RARB: variants seen among roughly 807,000 people sequenced by gnomAD.
RARB encodes the protein retinoic acid receptor beta, also known as HBV-activated protein.
A neutral mutation model predicts 51.9 loss-of-function variants in RARB; 17 were observed. The observed-to-expected ratio is 0.33, with a 90% CI of 0.22 to 0.49. RARB has a LOEUF of 0.49. Among genes scored for constraint, RARB ranks in the 20% least tolerant of loss-of-function variants. RARB has a pLI of 0.99. For missense variants in RARB, 369 were observed against 550.8 expected, an observed-to-expected ratio of 0.67 and a Z score of 3.30; for synonymous variants, 215 against 195.4, an observed-to-expected ratio of 1.10 and a Z score of -0.84.
In RARB at chr3:24,939,043, C is replaced by T. The variant is rs112636159; in HGVS notation, c.-380+80291C>T. Among the ~76,000 whole-genome samples the T allele has an allele frequency of 1.1e-4, 17 of 151,538 alleles. 1 individual carries two copies. The highest frequency in any genetic ancestry group is 3.4e-4 in the African/African-American group (14 of 41,290). On this transcript the variant is annotated intron_variant, in intron 2 of 11. Transcript: ENST00000383772. ...TGTTCCCCAAGCTAGAGTGCATTGA[C>T]GTGGTCTCAGCTCACTGCAACCTCC... is the stretch of plus-strand genomic sequence containing the variant.
Position 24,839,792 on chromosome 3 carries a change from G to C in RARB, c.-459+10389G>C, listed in dbSNP as rs188154614. On this transcript the variant is annotated intron_variant, in intron 1 of 11. Transcript: ENST00000383772. ...TCCAGATTGTCACAAAATTATACTCGTGTTTAGAACTAGGGAGAGAATATC... is the reference window on the plus strand; with the variant it reads ...TCCAGATTGTCACAAAATTATACTCCTGTTTAGAACTAGGGAGAGAATATC... Among the ~76,000 whole-genome samples the C allele has an allele frequency of 2.1e-3, 312 of 151,534 alleles. 1 individual carries two copies. The highest frequency in any genetic ancestry group is 7.2e-3 in the African/African-American group (297 of 41,246).
At chr3:25,111,592 T>G (rs1575165400) in intron 3 of RARB, among the ~76,000 whole-genome samples, 1 of 149,968 alleles carries the variant, frequency 6.7e-6, no homozygotes, top group African/African-American at 2.5e-5. Flanking sequence ...GGTTTTTTTT[T>G]TTTTTTTTTT....
intron 3 of RARB, among the ~76,000 whole-genome samples, chr3:25,120,828 C>T (rs1699772547): frequency 6.6e-6 from 1 of 152,118 alleles, no homozygotes; most frequent in Admixed American, 6.6e-5. Flanking sequence ...TTGGCCGAAT[C>T]TAGCTGGCTG....
At chr3:25,475,371 G>A (rs183170458) in intron 2 of RARB, among the ~76,000 whole-genome samples, 154 of 152,026 alleles carry the variant, frequency 1.0e-3, no homozygotes, top group African/African-American at 3.3e-3. Flanking sequence ...GTATTATATC[G>A]GGGTGGATAA....
At chr3:24,868,949 C>T (rs1156424499) in intron 2 of RARB, among the ~76,000 whole-genome samples, 3 of 152,132 alleles carry the variant, frequency 2.0e-5, no homozygotes, top group African/African-American at 7.2e-5. Flanking sequence ...TTAAGCTGTA[C>T]TCTGACCACC....
chr3:24,911,353 C>T (rs1694985747), intron 2 of RARB, among the ~76,000 whole-genome samples: 1 of 152,012 alleles, frequency 6.6e-6, no homozygotes, highest in African/African-American at 2.4e-5. Context: ...AGCTTTTTAC[C>T]AAGCTATAAA....
intron 2 of RARB, among the ~76,000 whole-genome samples, chr3:24,943,595 G>C (rs1040974936): frequency 6.6e-6 from 1 of 152,206 alleles, no homozygotes; most frequent in East Asian, 1.9e-4. Flanking sequence ...GCAAGGAAAT[G>C]TGGGTGCAGG....
intron 2 of RARB, among the ~76,000 whole-genome samples, chr3:24,945,204 TAA>T (rs1695748558): frequency 6.6e-6 from 1 of 152,228 alleles, no homozygotes; most frequent in Non-Finnish European, 1.5e-5. Context: ...GCTTTAGACA[TAA>T]AGAGTTTGCA....
At chr3:25,499,320 G>T (rs560940671) in intron 2 of RARB, among the ~76,000 whole-genome samples, 46 of 152,308 alleles carry the variant, frequency 3.0e-4, no homozygotes, top group Admixed American at 1.6e-3. Flanking sequence ...CAAGAGAGTA[G>T]TTTCTCGTGT....
chr3:25,336,146 C>T (rs78022710), intron 5 of RARB, among the ~76,000 whole-genome samples: 12,303 of 151,120 alleles, frequency 0.081, 694 homozygotes, highest in South Asian at 0.19. Context: ...TCCATATGAT[C>T]TTATCTATGT....
chr3:25,161,161 C>T (rs990444855), intron 4 of RARB, among the ~76,000 whole-genome samples: 1 of 148,892 alleles, frequency 6.7e-6, no homozygotes, highest in Non-Finnish European at 1.5e-5. Context: ...TACAGGCACC[C>T]ACCACCATGC....
chr3:24,967,712 CATT>C (rs1696306095), intron 2 of RARB, among the ~76,000 whole-genome samples: 1 of 152,114 alleles, frequency 6.6e-6, no homozygotes, highest in Admixed American at 6.6e-5. Context: ...ATAGCTTCAT[CATT>C]AATAATTTGG....
chr3:25,010,112 A>C lies in RARB; in HGVS notation c.-379-50013A>C, dbSNP rs558666250. Among the ~76,000 whole-genome samples the C allele has an allele frequency of 8.0e-5, 12 of 150,182 alleles. No homozygotes were observed. The East Asian group carries it at 2.2e-3, about 27-fold the overall frequency. On this transcript the variant is annotated intron_variant, in intron 2 of 11. Coordinates refer to the RARB transcript ENST00000383772. ...AACTTACCCTTTTCTTTTTCTTGTA[A>C]TATTGGGTCCCAACTTTTTTTTATA... is the stretch of plus-strand genomic sequence containing the variant.
At chr3:24,926,218 T>C (rs1695318306) in intron 2 of RARB, among the ~76,000 whole-genome samples, 1 of 152,108 alleles carries the variant, frequency 6.6e-6, no homozygotes, top group Admixed American at 6.6e-5. Context: ...ACACTTAATT[T>C]ACATTAAACA....
chr3:25,203,823 C>A (rs139458801), intron 5 of RARB, among the ~76,000 whole-genome samples: 2 of 152,222 alleles, frequency 1.3e-5, no homozygotes, highest in Non-Finnish European at 2.9e-5. Context: ...ATGGGCTTCC[C>A]TTTGCGGGTA....
intron 5 of RARB, among the ~76,000 whole-genome samples, chr3:25,233,693 T>C (rs1359528397): frequency 6.6e-6 from 1 of 151,900 alleles, no homozygotes; most frequent in Admixed American, 6.6e-5. Flanking sequence ...TTGTTGTTGT[T>C]GTTGTAGGTG....
intron 5 of RARB, among the ~76,000 whole-genome samples, chr3:25,333,375 C>T (rs1704963302): frequency 6.6e-6 from 1 of 152,174 alleles, no homozygotes; most frequent in African/African-American, 2.4e-5. Flanking sequence ...TAATACCACA[C>T]ATCTACGACC....
At chr3:24,897,457 A>C (rs555516415) in intron 2 of RARB, among the ~76,000 whole-genome samples, 23 of 152,288 alleles carry the variant, frequency 1.5e-4, no homozygotes, top group Middle Eastern at 6.8e-3. Context: ...TCTCACCTCT[A>C]TTTTAATAAA....
At chr3:24,985,021 C>T (rs1404880713) in intron 2 of RARB, among the ~76,000 whole-genome samples, 1 of 152,138 alleles carries the variant, frequency 6.6e-6, no homozygotes, top group Non-Finnish European at 1.5e-5. Flanking sequence ...TCAAAGAGTT[C>T]ATCGGGTTCA....
Sources: allele counts gnomAD v4.1 joint callset (sites outside exome capture counted in the v4.1 genomes callset), GRCh38; gene constraint gnomAD v4.1.1; transcripts MANE v1.5; gene names NCBI Gene and HGNC (gene_info 2026-07-23, HGNC 2026-07-21).